The following PRTFDC1 variants were observed in gnomAD, a reference collection of about 807,000 sequenced individuals.
The protein encoded by PRTFDC1 is phosphoribosyl transferase domain containing 1, also known as phosphoribosyltransferase domain-containing protein 1.
A neutral mutation model predicts 34.6 loss-of-function variants in PRTFDC1; 38 were observed. The observed-to-expected ratio is 1.10, with a 90% CI of 0.85 to 1.44. The LOEUF (loss-of-function observed/expected upper bound fraction) is 1.44, where lower values mean the gene tolerates loss of function less well. PRTFDC1 is among the 40% of genes most tolerant of loss of function. PRTFDC1 has a pLI of 0.00. For synonymous variants in PRTFDC1, 93 were observed against 98.1 expected, an observed-to-expected ratio of 0.95 and a Z score of 0.31; for missense variants, 270 against 283.0, an observed-to-expected ratio of 0.95 and a Z score of 0.33.
Position 24,866,881 on chromosome 10 carries a change from AAAGAGAGAAAGG to A in PRTFDC1, c.405+5105_405+5116del, listed in dbSNP as rs1052832668. Among the ~76,000 whole-genome samples the A allele has an allele frequency of 1.5e-4, 22 of 151,606 alleles. 1 individual carries two copies. In the East Asian group the frequency reaches 1.9e-3, roughly 13 times the overall value. On this transcript the variant is annotated intron_variant, in intron 4 of 8. Transcript: ENST00000320152. ...AGCAAAAAAATACAAAAAGAAAGAA[AAAGAGAGAAAGG>A]AAGAGAGAAAGAAAGAGAACAAAAA...
chr10:24,893,390 G>A (rs34590687), intron 3 of PRTFDC1, among the ~76,000 whole-genome samples: 13,709 of 152,160 alleles, frequency 0.09, 659 homozygotes, highest in Non-Finnish European at 0.12. Flanking sequence ...CTGCACTCAA[G>A]CAATCCTTCT....
At chr10:24,944,128 T>A (rs1849215062) in intron 1 of PRTFDC1, among the ~76,000 whole-genome samples, 5 of 152,026 alleles carry the variant, frequency 3.3e-5, no homozygotes, top group Admixed American at 3.3e-4. Context: ...CCCCACTTCT[T>A]CCTGGAGGCC....
chr10:24,940,267 C>T (rs944095326), intron 2 of PRTFDC1, among the ~76,000 whole-genome samples: 16 of 152,118 alleles, frequency 1.1e-4, no homozygotes, highest in Admixed American at 7.9e-4. Flanking sequence ...TTAAAAGATA[C>T]CAGTAAGAAA....
At chr10:24,896,455 G>A (rs1381716128) in intron 3 of PRTFDC1, among the ~76,000 whole-genome samples, 1 of 152,150 alleles carries the variant, frequency 6.6e-6, no homozygotes, top group African/African-American at 2.4e-5. Flanking sequence ...TCTTCTAGAG[G>A]GTGCTTCCCC....
In PRTFDC1 at chr10:24,937,552, C is replaced by T. The variant is rs1166658020; in HGVS notation, c.156-185G>A. ...TTGAACATAAGGTGTTCAAAACATACTGCTTTTTTTTTTTTTTTTTTTTAA... is the reference window on the plus strand; with the variant it reads ...TTGAACATAAGGTGTTCAAAACATATTGCTTTTTTTTTTTTTTTTTTTTAA... On this transcript the variant is annotated intron_variant, in intron 2 of 8. Coordinates refer to ENST00000320152, the MANE Select transcript of PRTFDC1 (RefSeq NM_020200.7). 9.6e-5 allele frequency among the ~76,000 whole-genome samples: 10 copies of T among 103,756 alleles called. No homozygotes were observed. The South Asian group carries it at 2.4e-3, about 25-fold the overall frequency. 68.1% of individuals were successfully genotyped at this position (103,756 alleles called of 152,430 possible).
chr10:24,860,209 G>A lies in PRTFDC1; in HGVS notation c.406-1800C>T, dbSNP rs544093695. 4.6e-5 allele frequency among the ~76,000 whole-genome samples: 7 copies of A among 152,106 alleles called. No homozygotes were observed. In the South Asian group the frequency reaches 8.3e-4, roughly 18 times the overall value. On this transcript the variant is annotated intron_variant, in intron 4 of 8. Transcript: ENST00000320152. The stretch of plus-strand genomic sequence containing the variant: ...AGCCTGGCCAATTTGGTGAAACCCC[G>A]TCTCTACTAAAATATACAAAAATTA...
chr10:24,911,691 C>A (rs1848629348), intron 3 of PRTFDC1, among the ~76,000 whole-genome samples: 1 of 151,674 alleles, frequency 6.6e-6, no homozygotes, highest in African/African-American at 2.4e-5. Flanking sequence ...CATGGTGAAA[C>A]CCTGTCTCTA....
At chr10:24,923,606 A>G (rs1435032871) in intron 3 of PRTFDC1, among the ~76,000 whole-genome samples, 1 of 152,216 alleles carries the variant, frequency 6.6e-6, no homozygotes, top group Non-Finnish European at 1.5e-5. Flanking sequence ...TAGCAACAAC[A>G]TCAACAAAAA....
At chr10:24,937,538 G>A (rs536517708) in intron 2 of PRTFDC1, among the ~76,000 whole-genome samples, 171 bp from the exon 3 acceptor site, 2 of 150,558 alleles carry the variant, frequency 1.3e-5, no homozygotes, top group South Asian at 4.2e-4. Flanking sequence ...TGAACATAAG[G>A]TGTTCAAAAC....
At chr10:24,891,545 C>T (rs1029820172) in intron 3 of PRTFDC1, among the ~76,000 whole-genome samples, 13 of 151,896 alleles carry the variant, frequency 8.6e-5, no homozygotes, top group Admixed American at 6.6e-4. Context: ...ATAATCCCAA[C>T]ACTTTGGGGA....
intron 2 of PRTFDC1, among the ~76,000 whole-genome samples, chr10:24,939,793 CAAAAAAAA>C (rs55974992): frequency 1.1e-4 from 8 of 71,542 alleles, no homozygotes; most frequent in African/African-American, 4.5e-4. Flanking sequence ...GACTCTATCT[CAAAAAAAA>C]AAAAAAAAAA....
intron 5 of PRTFDC1, 120 bp downstream of exon 5, chr10:24,858,272 A>G: frequency 1.0e-6 from 1 of 998,766 alleles, no homozygotes; most frequent in Non-Finnish European, 1.5e-6. Flanking sequence ...AAATTTGGAG[A>G]GCATGCACCC....
At position 24,952,598 on chromosome 10, in the gene PRTFDC1, A is replaced by G. The variant is rs778441892; in HGVS notation, c.-23T>C. The G allele has an allele frequency of 7.2e-7, 1 of 1,391,948 alleles. No individual in the cohort carries two copies. The highest frequency in any genetic ancestry group is 2.1e-5 in the Admixed American group (1 of 47,746). 86.2% of individuals were successfully genotyped at this position (1,391,948 alleles called of 1,614,324 possible). A position where few individuals can be genotyped will look rare whatever the true frequency, so the allele number is the denominator to read the frequency against. On this transcript the variant is annotated 5_prime_UTR_variant, in exon 1 of 9. Coordinates refer to ENST00000320152, the MANE Select transcript of PRTFDC1 (RefSeq NM_020200.7). The surrounding 1 kb of genome is among the most constrained non-coding windows in gnomAD (Gnocchi z 5.1). ...CATGTTTCTCCCGGGGAACGCGGGA[A>G]GGGAAGACGGCGCGGGAAGGAGCAG...
At chr10:24,879,369 G>T (rs1588586727) in intron 3 of PRTFDC1, among the ~76,000 whole-genome samples, 1 of 151,904 alleles carries the variant, frequency 6.6e-6, no homozygotes, top group African/African-American at 2.4e-5. Context: ...TTGAGATGGG[G>T]TTTCGCTCTT....
Position 24,876,210 on chromosome 10 carries a change from G to A in PRTFDC1, c.340-4147C>T, listed in dbSNP as rs1428734144. ...GCCTGAGCAACATAGTGAGACCAAC[G>A]TTTCTACCAAAACAAAACAAAACAA... On this transcript the variant is annotated intron_variant, in intron 3 of 8. Transcript: ENST00000320152. Among the ~76,000 whole-genome samples the A allele has an allele frequency of 3.3e-5, 5 of 151,164 alleles. No homozygotes were observed. The East Asian group carries it at 6.0e-4, about 18-fold the overall frequency.
chr10:24,881,799 A>C (rs1043782245), intron 3 of PRTFDC1, among the ~76,000 whole-genome samples: 1 of 152,138 alleles, frequency 6.6e-6, no homozygotes, highest in African/African-American at 2.4e-5. Flanking sequence ...TTTTGCACTG[A>C]GGGCCCTGGA....
intron 2 of PRTFDC1, among the ~76,000 whole-genome samples, chr10:24,940,594 T>C (rs1021820154): frequency 2.0e-5 from 3 of 152,232 alleles, no homozygotes; most frequent in African/African-American, 4.8e-5. Context: ...AACCTTCATA[T>C]GCTGCTGGTG....
intron 1 of PRTFDC1, among the ~76,000 whole-genome samples, chr10:24,945,711 C>G (rs1364249555): frequency 1.3e-5 from 2 of 152,228 alleles, no homozygotes; most frequent in Admixed American, 1.3e-4. Flanking sequence ...CCCACCTTGG[C>G]CTCCCAAAAC....
chr10:24,875,763 A>T (rs1172917097), intron 3 of PRTFDC1, among the ~76,000 whole-genome samples: 1 of 151,874 alleles, frequency 6.6e-6, no homozygotes, highest in Non-Finnish European at 1.5e-5. Flanking sequence ...GTCTACTTCA[A>T]CATTAATTAA....
Sources: allele counts gnomAD v4.1 joint callset (sites outside exome capture counted in the v4.1 genomes callset), GRCh38; gene constraint gnomAD v4.1.1; non-coding constraint Gnocchi (gnomAD v3.1); transcripts MANE v1.5; gene names NCBI Gene and HGNC (gene_info 2026-07-23, HGNC 2026-07-21).